Variants in DYM observed in about 807,000 individuals in gnomAD.
DYM encodes dymeclin, also known as dyggve-Melchior-Clausen syndrome protein.
Under a neutral mutation model 93.1 loss-of-function variants are expected in DYM, and 78 were observed. The ratio of observed to expected loss-of-function variants is 0.84; its 90% CI spans 0.70 to 1.01. The LOEUF (loss-of-function observed/expected upper bound fraction) is 1.01. DYM is among the 50% of genes least tolerant of loss of function. DYM has a pLI of 0.00. For synonymous variants in DYM, 321 were observed against 319.7 expected, an observed-to-expected ratio of 1.00 and a Z score of -0.04; for missense variants, 789 against 845.0, an observed-to-expected ratio of 0.93 and a Z score of 0.82.
intron 13 of DYM, among the ~76,000 whole-genome samples, chr18:49,235,784 A>AC (rs1484659478): frequency 6.6e-6 from 1 of 151,018 alleles, no homozygotes; most frequent in East Asian, 1.9e-4. Flanking sequence ...AGAAAAAAAA[A>AC]AACTGTGGCT....
chr18:49,269,746 T>C (rs2094644002), intron 11 of DYM, among the ~76,000 whole-genome samples: 1 of 152,132 alleles, frequency 6.6e-6, no homozygotes, highest in Non-Finnish European at 1.5e-5. Context: ...CTTTATAAAG[T>C]AAAAAAGTTC....
At chr18:49,225,032 G>T (rs2144212636) in intron 13 of DYM, among the ~76,000 whole-genome samples, 1 of 152,192 alleles carries the variant, frequency 6.6e-6, no homozygotes, top group South Asian at 2.1e-4. Flanking sequence ...TGGCAATATG[G>T]AGGTCACTGG....
intron 11 of DYM, among the ~76,000 whole-genome samples, chr18:49,269,214 T>C (rs1457526234): frequency 6.6e-6 from 1 of 152,072 alleles, no homozygotes; most frequent in Non-Finnish European, 1.5e-5. Context: ...CAAAATCACA[T>C]TTTGAGCTCA....
intron 8 of DYM, among the ~76,000 whole-genome samples, chr18:49,300,531 C>T (rs747511862): frequency 2.0e-5 from 3 of 151,286 alleles, no homozygotes; most frequent in African/African-American, 4.9e-5. Flanking sequence ...ACCTGGGAAG[C>T]GGAAATTAGA....
intron 16 of DYM, among the ~76,000 whole-genome samples, chr18:49,108,292 G>A (rs1226227916): frequency 2.6e-5 from 4 of 152,192 alleles, no homozygotes; most frequent in Non-Finnish European, 5.9e-5. Flanking sequence ...CGATTTTCCA[G>A]GTGCCGTCTG....
chr18:49,070,636 C>T (rs138427929), intron 17 of DYM, among the ~76,000 whole-genome samples: 47 of 152,280 alleles, frequency 3.1e-4, no homozygotes, highest in African/African-American at 1.1e-3. Flanking sequence ...GAAGCCGTTT[C>T]TTTGAATGCT....
chr18:49,323,072 G>A (rs1221562002), intron 8 of DYM, among the ~76,000 whole-genome samples: 3 of 152,194 alleles, frequency 2.0e-5, no homozygotes, highest in African/African-American at 4.8e-5. Flanking sequence ...AAAGGACAAT[G>A]TAAGTGGTGG....
chr18:49,235,670 C>T (rs142124329), intron 13 of DYM, among the ~76,000 whole-genome samples: 341 of 151,294 alleles, frequency 2.3e-3, no homozygotes, highest in African/African-American at 7.8e-3. Context: ...TAATTACTTA[C>T]GAGATAGAAT....
chr18:49,375,262 AATATAT>A (rs1285280097), intron 5 of DYM, among the ~76,000 whole-genome samples: 2 of 150,826 alleles, frequency 1.3e-5, no homozygotes, highest in Admixed American at 1.3e-4. Flanking sequence ...AGAAGAAAAA[AATATAT>A]ATATATAAAC....
chr18:49,450,644 T>A (rs559486268), intron 1 of DYM, among the ~76,000 whole-genome samples: 2 of 152,346 alleles, frequency 1.3e-5, no homozygotes, highest in African/African-American at 4.8e-5. Context: ...TTATCTGACA[T>A]GTTTAGTCAC....
chr18:49,367,056 C>G (rs1215459776), intron 5 of DYM, among the ~76,000 whole-genome samples: 1 of 152,172 alleles, frequency 6.6e-6, no homozygotes, highest in African/African-American at 2.4e-5. Context: ...TTACTGAACA[C>G]TGTAAACACA....
chr18:49,063,383 T>G (rs1283612109), intron 17 of DYM, among the ~76,000 whole-genome samples: 1 of 151,658 alleles, frequency 6.6e-6, no homozygotes, highest in African/African-American at 2.4e-5. Context: ...AGTTATATTT[T>G]GTAAATAGAT....
At chr18:49,227,128 T>A (rs1311816904) in intron 13 of DYM, among the ~76,000 whole-genome samples, 1 of 152,146 alleles carries the variant, frequency 6.6e-6, no homozygotes, top group Non-Finnish European at 1.5e-5. Flanking sequence ...AATAGCACAT[T>A]CAGCACATTT....
intron 5 of DYM, among the ~76,000 whole-genome samples, chr18:49,371,484 A>G (rs770827938): frequency 6.6e-6 from 1 of 152,184 alleles, no homozygotes; most frequent in Non-Finnish European, 1.5e-5. Context: ...AATAATAATA[A>G]TAATACAATC....
intron 17 of DYM, among the ~76,000 whole-genome samples, chr18:49,078,633 G>C (rs1454885024): frequency 6.6e-6 from 1 of 152,080 alleles, no homozygotes; most frequent in Admixed American, 6.5e-5. Flanking sequence ...TTCTAGGTCA[G>C]AAATATCAAG....
At chr18:49,304,401 T>A (rs972851572) in intron 8 of DYM, among the ~76,000 whole-genome samples, 1 of 152,210 alleles carries the variant, frequency 6.6e-6, no homozygotes, top group African/African-American at 2.4e-5. Flanking sequence ...ATGCTTTATA[T>A]CCCTGTTCAT....
At chr18:49,323,384 A>G (rs2062651546) in intron 8 of DYM, among the ~76,000 whole-genome samples, 1 of 152,170 alleles carries the variant, frequency 6.6e-6, no homozygotes. Context: ...TTCAGTGAGG[A>G]GCATTCCAGC....
intron 10 of DYM, among the ~76,000 whole-genome samples, chr18:49,276,729 C>G (rs917072915): frequency 1.3e-5 from 2 of 152,068 alleles, no homozygotes; most frequent in Non-Finnish European, 2.9e-5. Context: ...AGAGTAAGAG[C>G]TTTAACCTGA....
intron 14 of DYM, 70 bp from the exon 15 acceptor site, chr18:49,163,857 A>G: frequency 6.3e-6 from 6 of 949,662 alleles, no homozygotes; most frequent in Non-Finnish European, 8.3e-6. Flanking sequence ...GTGGAAATAT[A>G]TAGTTCCACA....
Sources: allele counts gnomAD v4.1 joint callset (sites outside exome capture counted in the v4.1 genomes callset), GRCh38; gene constraint gnomAD v4.1.1; transcripts MANE v1.5; gene names NCBI Gene and HGNC (gene_info 2026-07-23, HGNC 2026-07-21).